NXNL2: variants seen among roughly 807,000 people sequenced by gnomAD.
The protein encoded by NXNL2 is nucleoredoxin like 2, also known as nucleoredoxin-like protein 2.
A neutral mutation model predicts 11.1 loss-of-function variants in NXNL2; 7 were observed. That is an observed-to-expected ratio of 0.63 (90% CI 0.36 to 1.18). The LOEUF (loss-of-function observed/expected upper bound fraction) is 1.18, where lower values mean the gene tolerates loss of function less well. Ranked by LOEUF, NXNL2 falls within the 50% of genes most tolerant of loss-of-function variation. NXNL2 has a pLI of 0.02. For missense variants in NXNL2, 233 were observed against 217.7 expected (o/e 1.07, Z -0.44); for synonymous variants, 109 against 101.8 (o/e 1.07, Z -0.42).
At chr9:88,559,033 A>G (rs1316264035) in intron 1 of NXNL2, among the ~76,000 whole-genome samples, 1 of 152,136 alleles carries the variant, frequency 6.6e-6, no homozygotes, top group Non-Finnish European at 1.5e-5. Context: ...ATGTCTCTGC[A>G]TGCAACTGAT....
At chr9:88,555,475 G>C (rs1346130663) in intron 1 of NXNL2, among the ~76,000 whole-genome samples, 1 of 152,168 alleles carries the variant, frequency 6.6e-6, no homozygotes, top group African/African-American at 2.4e-5. Flanking sequence ...TAAGCCATGA[G>C]GACAACCAGA....
chr9:88,549,867 C>T (rs1004142868), downstream of NXNL2, among the ~76,000 whole-genome samples: 2 of 152,194 alleles, frequency 1.3e-5, no homozygotes, highest in East Asian at 1.9e-4. Context: ...GTTTTGCACT[C>T]GTTGCCCAGG....
intron 1 of NXNL2, among the ~76,000 whole-genome samples, chr9:88,552,676 A>G (rs1422939086): frequency 1.3e-5 from 2 of 152,048 alleles, no homozygotes; most frequent in Non-Finnish European, 1.5e-5. Flanking sequence ...TCACCGTGTT[A>G]GCCAGGATGG....
chr9:88,543,524 C>T (rs1324989817), intron 1 of NXNL2, among the ~76,000 whole-genome samples: 3 of 152,170 alleles, frequency 2.0e-5, no homozygotes, highest in Admixed American at 1.3e-4. Context: ...CCTCAGTCTC[C>T]TGAAGTGCTG....
intron 1 of NXNL2, among the ~76,000 whole-genome samples, chr9:88,552,694 C>T (rs1333088871): frequency 6.6e-6 from 1 of 152,154 alleles, no homozygotes; most frequent in Non-Finnish European, 1.5e-5. Context: ...TGGTCTCAAT[C>T]TCCTGACCTC....
chr9:88,582,732 G>T (rs866804470), intron 1 of NXNL2, among the ~76,000 whole-genome samples: 1 of 146,136 alleles, frequency 6.8e-6, no homozygotes, highest in Non-Finnish European at 1.5e-5. Flanking sequence ...ACAGTGGCAC[G>T]ATCTTGGCTC....
downstream of NXNL2, chr9:88,584,324 C>T (rs558393580): frequency 6.6e-6 from 1 of 152,218 alleles, no homozygotes; most frequent in Admixed American, 6.5e-5. Context: ...CTGATAGGAC[C>T]AGTGTCCTTA....
chr9:88,581,717 A>G (rs111243934), intron 1 of NXNL2, among the ~76,000 whole-genome samples: 1 of 152,150 alleles, frequency 6.6e-6, no homozygotes. Context: ...CGGCCTCCCA[A>G]AGTGTTGGGA....
intron 1 of NXNL2, among the ~76,000 whole-genome samples, chr9:88,557,990 A>G (rs1241925608): frequency 6.6e-6 from 1 of 152,166 alleles, no homozygotes; most frequent in African/African-American, 2.4e-5. Context: ...TGTGAAATAT[A>G]TATTTGGGCT....
At chr9:88,551,179 T>C (rs1173858804) in intron 1 of NXNL2, among the ~76,000 whole-genome samples, 1 of 152,184 alleles carries the variant, frequency 6.6e-6, no homozygotes, top group Non-Finnish European at 1.5e-5. Context: ...GCCTGTTGGC[T>C]CTTGGGAGCT....
chr9:88,547,502 C>A (rs1411857252), downstream of NXNL2, among the ~76,000 whole-genome samples: 3 of 152,196 alleles, frequency 2.0e-5, no homozygotes, highest in South Asian at 2.1e-4. Context: ...TGACACAGAG[C>A]TCACCAGTCA....
chr9:88,572,600 G>A (rs1368764206), intron 2 of NXNL2, among the ~76,000 whole-genome samples: 3 of 152,120 alleles, frequency 2.0e-5, no homozygotes, highest in East Asian at 1.9e-4. Flanking sequence ...TGCCGACCCC[G>A]GCAAAACACA....
intron 1 of NXNL2, among the ~76,000 whole-genome samples, chr9:88,581,450 T>C (rs1176298139): frequency 9.2e-5 from 14 of 152,050 alleles, no homozygotes. Flanking sequence ...TTTTTTTTTT[T>C]TGAGATGGAG....
At chr9:88,544,344 A>C in intron 1 of NXNL2, 35 bp from the exon 2 acceptor site, 1 of 1,528,458 alleles carries the variant, frequency 6.5e-7, no homozygotes, top group Middle Eastern at 1.7e-4. Context: ...TGCATGTGGG[A>C]GTGCTAACTT....
chr9:88,569,648 T>C (rs918297097), intron 1 of NXNL2, among the ~76,000 whole-genome samples: 5 of 152,210 alleles, frequency 3.3e-5, no homozygotes, highest in African/African-American at 1.2e-4. Context: ...TTATTAAGTG[T>C]TTTAAAATTT....
chr9:88,542,796 TGATGGTGTGTCTTTGACCTG>T (rs1257496108), intron 1 of NXNL2, among the ~76,000 whole-genome samples: 1 of 152,144 alleles, frequency 6.6e-6, no homozygotes, highest in Non-Finnish European at 1.5e-5. Flanking sequence ...CCTGCTTGAG[TGATGGTGTGTCTTTGACCTG>T]GATGCCAGAA....
chr9:88,576,837 C>T (rs185869487), downstream of NXNL2, among the ~76,000 whole-genome samples: 109 of 152,282 alleles, frequency 7.2e-4, no homozygotes, highest in Admixed American at 1.6e-3. Flanking sequence ...CCAGACACAG[C>T]CCCTGCCATG....
intron 2 of NXNL2, among the ~76,000 whole-genome samples, chr9:88,573,606 G>C (rs1378360429): frequency 2.6e-5 from 4 of 152,170 alleles, no homozygotes; most frequent in Non-Finnish European, 5.9e-5. Context: ...TTGCACTCAC[G>C]AGCAAGTGGT....
chr9:88,581,445 T>A (rs1739303497), intron 1 of NXNL2, among the ~76,000 whole-genome samples: 1 of 152,126 alleles, frequency 6.6e-6, no homozygotes, highest in African/African-American at 2.4e-5. Context: ...TTTTCTTTTT[T>A]TTTTTTGAGA....
Sources: allele counts gnomAD v4.1 joint callset (sites outside exome capture counted in the v4.1 genomes callset), GRCh38; gene constraint gnomAD v4.1.1; transcripts MANE v1.5; gene names NCBI Gene and HGNC (gene_info 2026-07-23, HGNC 2026-07-21).